Variants in MAF observed in about 807,000 individuals in gnomAD.
MAF encodes the protein transcription factor Maf.
In MAF, 10 loss-of-function variants were observed where a neutral mutation model predicts 22.0. The ratio of observed to expected loss-of-function variants is 0.45; its 90% CI spans 0.28 to 0.77. The LOEUF (loss-of-function observed/expected upper bound fraction) is 0.77, where lower values mean the gene tolerates loss of function less well. Among genes scored for constraint, MAF ranks in the 30% least tolerant of loss-of-function variants. The pLI is 0.12. For synonymous variants in MAF, 337 were observed against 255.8 expected (o/e 1.32, Z -3.03); for missense variants, 544 against 548.4 (o/e 0.99, Z 0.08).
chr16:79,591,130 C>T (rs564165277), downstream of MAF, among the ~76,000 whole-genome samples: 53 of 152,216 alleles, frequency 3.5e-4, no homozygotes, highest in Non-Finnish European at 6.0e-4. Flanking sequence ...TGTTCCCTAA[C>T]GGAAAGGACC....
chr16:79,210,305 T>G, the MAF span, among the ~76,000 whole-genome samples: 4 of 152,160 alleles, frequency 2.6e-5, no homozygotes, highest in Non-Finnish European at 5.9e-5. Context: ...ACACCTTCCT[T>G]GGGACCCTAT....
the MAF span, among the ~76,000 whole-genome samples, chr16:79,548,564 AG>A: frequency 2.0e-5 from 3 of 152,228 alleles, no homozygotes; most frequent in Non-Finnish European, 2.9e-5. Context: ...GATGACCATT[AG>A]TTACTCCATG....
At chr16:79,219,444 C>CGGA in the MAF span, among the ~76,000 whole-genome samples, 1 of 150,490 alleles carries the variant, frequency 6.6e-6, no homozygotes, top group African/African-American at 2.4e-5. Flanking sequence ...CCAGCTACTC[C>CGGA]GGAGGCTGAG....
chr16:79,494,416 T>C, the MAF span, among the ~76,000 whole-genome samples: 269 of 152,178 alleles, frequency 1.8e-3, 1 homozygote, highest in African/African-American at 6.3e-3. Flanking sequence ...TGTATAAAGC[T>C]TCCTATATCT....
the MAF span, among the ~76,000 whole-genome samples, chr16:79,409,307 A>G: frequency 6.6e-6 from 1 of 152,326 alleles, no homozygotes; most frequent in African/African-American, 2.4e-5. Context: ...ATGGAAAGGA[A>G]GTCGCGCTGT....
chr16:79,282,424 ACT>A, the MAF span, among the ~76,000 whole-genome samples: 1 of 152,196 alleles, frequency 6.6e-6, no homozygotes, highest in Non-Finnish European at 1.5e-5. Flanking sequence ...TGATGTGGGC[ACT>A]AGGGTATCCC....
chr16:79,541,721 A>G, the MAF span, among the ~76,000 whole-genome samples: 4 of 148,372 alleles, frequency 2.7e-5, no homozygotes, highest in East Asian at 4.0e-4. Flanking sequence ...CTGGAGTGCA[A>G]TCTTAGCTCA....
At chr16:79,409,052 G>C in the MAF span, among the ~76,000 whole-genome samples, 1 of 151,544 alleles carries the variant, frequency 6.6e-6, no homozygotes, top group African/African-American at 2.4e-5. Context: ...GAGTCACCTA[G>C]ACTACAGTGT....
chr16:79,453,459 C>A, the MAF span, among the ~76,000 whole-genome samples: 3 of 152,156 alleles, frequency 2.0e-5, no homozygotes, highest in Non-Finnish European at 2.9e-5. Context: ...AGCAAGGAAG[C>A]AATGTAGATA....
At chr16:79,401,904 C>A in the MAF span, among the ~76,000 whole-genome samples, 1 of 152,140 alleles carries the variant, frequency 6.6e-6, no homozygotes, top group Non-Finnish European at 1.5e-5. Context: ...CTGCCGCATG[C>A]CCCTGCCATC....
At chr16:79,360,890 G>A in the MAF span, among the ~76,000 whole-genome samples, 1 of 152,240 alleles carries the variant, frequency 6.6e-6, no homozygotes, top group African/African-American at 2.4e-5. Flanking sequence ...AGCTGACTGT[G>A]AACATCTCTT....
chr16:79,550,231 A>G, the MAF span, among the ~76,000 whole-genome samples: 2 of 152,110 alleles, frequency 1.3e-5, no homozygotes, highest in Non-Finnish European at 2.9e-5. Flanking sequence ...TATTAGAATG[A>G]AAGAAATGGT....
At chr16:79,520,918 C>T in the MAF span, among the ~76,000 whole-genome samples, 2 of 152,094 alleles carry the variant, frequency 1.3e-5, no homozygotes, top group Non-Finnish European at 2.9e-5. Context: ...CCTACAACAC[C>T]CCTAGAAAGA....
chr16:79,595,808 TTCAC>T, intron 1 of MAF: 1 of 1,057,518 alleles, frequency 9.5e-7, no homozygotes, highest in Non-Finnish European at 1.1e-6. Flanking sequence ...CCACTGAATA[TTCAC>T]GGTGAAATAT....
the MAF span, among the ~76,000 whole-genome samples, chr16:79,256,857 C>T: frequency 2.6e-5 from 4 of 152,190 alleles, no homozygotes; most frequent in South Asian, 2.1e-4. Flanking sequence ...TAGAACTACA[C>T]GCACACAAAC....
the MAF span, among the ~76,000 whole-genome samples, chr16:79,409,897 C>A: frequency 2.0e-5 from 3 of 152,282 alleles, no homozygotes; most frequent in Admixed American, 6.5e-5. Flanking sequence ...CTAGTACGAC[C>A]CCTAAACTAC....
the MAF span, among the ~76,000 whole-genome samples, chr16:79,523,865 C>T: frequency 6.6e-6 from 1 of 152,186 alleles, no homozygotes; most frequent in African/African-American, 2.4e-5. Flanking sequence ...ATAACAGCCT[C>T]AATTAGATGA....
chr16:79,255,801 G>T, the MAF span, among the ~76,000 whole-genome samples: 6 of 152,040 alleles, frequency 3.9e-5, no homozygotes, highest in Admixed American at 6.6e-5. Context: ...TAAGGCCCAG[G>T]TTCCTCATCT....
At chr16:79,287,010 C>T in the MAF span, among the ~76,000 whole-genome samples, 16 of 152,174 alleles carry the variant, frequency 1.1e-4, no homozygotes, top group South Asian at 2.1e-4. Flanking sequence ...CAGAAGTGAG[C>T]GTCCCCTTCG....
Sources: allele counts gnomAD v4.1 joint callset (sites outside exome capture counted in the v4.1 genomes callset), GRCh38; gene constraint gnomAD v4.1.1; transcripts MANE v1.5; gene names NCBI Gene and HGNC (gene_info 2026-07-23, HGNC 2026-07-21).